The following KAZN variants were observed in gnomAD, a reference collection of about 807,000 sequenced individuals.
The protein encoded by KAZN is kazrin.
A neutral mutation model predicts 87.4 loss-of-function variants in KAZN; 40 were observed. That is an observed-to-expected ratio of 0.46 (90% CI 0.36 to 0.60). The LOEUF (loss-of-function observed/expected upper bound fraction) is 0.60, where lower values mean the gene tolerates loss of function less well. Ranked by LOEUF, KAZN falls within the 20% of genes least tolerant of loss-of-function variation. KAZN has a pLI of 0.00. For missense variants in KAZN, 898 were observed against 1,073.9 expected (o/e 0.84, Z 2.29); for synonymous variants, 466 against 458.3 (o/e 1.02, Z -0.22).
intron 1 of KAZN, among the ~76,000 whole-genome samples, chr1:14,706,701 C>T (rs1330530239): frequency 2.0e-5 from 3 of 152,130 alleles, no homozygotes; most frequent in Admixed American, 1.3e-4. Context: ...GGGACTTGAA[C>T]ATATGAATCT....
chr1:14,747,617 C>G (rs772905281), intron 1 of KAZN, among the ~76,000 whole-genome samples: 5 of 152,344 alleles, frequency 3.3e-5, no homozygotes, highest in Non-Finnish European at 7.3e-5. Flanking sequence ...CATCAATAAG[C>G]ATTTGCGTAG....
chr1:14,283,909 A>G (rs1264916887), intron 2 of KAZN, among the ~76,000 whole-genome samples: 3 of 152,226 alleles, frequency 2.0e-5, no homozygotes, highest in African/African-American at 7.2e-5. Flanking sequence ...ATATAATGAA[A>G]TAGTGTTTGA....
intron 1 of KAZN, among the ~76,000 whole-genome samples, chr1:14,118,154 A>G (rs1023269186): frequency 6.4e-4 from 97 of 152,342 alleles, no homozygotes; most frequent in African/African-American, 2.3e-3. Context: ...TTCTCAAAGA[A>G]TGGTGAAAAG....
At chr1:14,929,881 C>T in intron 1 of KAZN, 1 of 985,428 alleles carries the variant, frequency 1.0e-6, no homozygotes, top group Non-Finnish European at 1.2e-6. Flanking sequence ...AAGGTGGGGA[C>T]TCCAGGCTTT....
intron 1 of KAZN, among the ~76,000 whole-genome samples, chr1:14,959,625 C>T (rs1040307598): frequency 1.3e-5 from 2 of 152,180 alleles, no homozygotes; most frequent in African/African-American, 4.8e-5. Flanking sequence ...ATGAATATTT[C>T]AGTATGTCCT....
intron 1 of KAZN, among the ~76,000 whole-genome samples, chr1:14,669,345 A>G (rs1639773514): frequency 6.6e-6 from 1 of 152,302 alleles, no homozygotes; most frequent in Non-Finnish European, 1.5e-5. Flanking sequence ...ACATCCCACA[A>G]TGAACAAGAC....
intron 1 of KAZN, among the ~76,000 whole-genome samples, chr1:14,725,640 C>T (rs1348253374): frequency 6.6e-6 from 1 of 152,114 alleles, no homozygotes; most frequent in Non-Finnish European, 1.5e-5. Context: ...GGGTGTTGCC[C>T]ACGTTCATTG....
Position 14,533,430 on chromosome 1 carries a change from A to C in KAZN, c.250-65553A>C, listed in dbSNP as rs74057812. ...TCTTTTCTCAGCCAACCAACTTGGC[A>C]TATTGGATATTGGTAGATTTTGAAG... On this transcript the variant is annotated intron_variant, in intron 2 of 16. Coordinates refer to the KAZN transcript ENST00000636203. Among the ~76,000 whole-genome samples the C allele has an allele frequency of 2.6e-3, 389 of 152,306 alleles. 1 individual carries two copies. The highest frequency in any genetic ancestry group is 9.1e-3 in the African/African-American group (379 of 41,552).
At chr1:14,100,768 G>C (rs1264721128) in intron 1 of KAZN, among the ~76,000 whole-genome samples, 6 of 152,208 alleles carry the variant, frequency 3.9e-5, no homozygotes, top group Admixed American at 3.9e-4. Flanking sequence ...AGTCTTATCA[G>C]TGTGATATTG....
intron 2 of KAZN, among the ~76,000 whole-genome samples, chr1:14,457,784 G>A (rs746315617): frequency 3.9e-4 from 59 of 151,860 alleles, no homozygotes; most frequent in Non-Finnish European, 6.5e-4. Flanking sequence ...TTTCTTCATG[G>A]AAGTGTAGAA....
At chr1:14,822,381 A>G (rs1307874948) in intron 1 of KAZN, among the ~76,000 whole-genome samples, 4 of 137,944 alleles carry the variant, frequency 2.9e-5, no homozygotes, top group Non-Finnish European at 6.3e-5. Flanking sequence ...GTCTTCACCA[A>G]GATTCTTTGG....
At chr1:14,991,752 G>A (rs2101955915) in intron 2 of KAZN, among the ~76,000 whole-genome samples, 1 of 152,306 alleles carries the variant, frequency 6.6e-6, no homozygotes, top group South Asian at 2.1e-4. Flanking sequence ...CCTAGAGTCA[G>A]CCCTGCAGCA....
intron 2 of KAZN, among the ~76,000 whole-genome samples, chr1:14,964,499 G>A (rs1258366993): frequency 1.3e-5 from 2 of 152,072 alleles, no homozygotes; most frequent in Non-Finnish European, 2.9e-5. Flanking sequence ...CAGCCACCAC[G>A]AGCATCCTGC....
intron 1 of KAZN, among the ~76,000 whole-genome samples, chr1:14,705,832 A>G (rs1195327965): frequency 2.0e-5 from 3 of 152,212 alleles, no homozygotes; most frequent in Non-Finnish European, 4.4e-5. Context: ...ACAGCTAAAT[A>G]GAAAAGGAAT....
chr1:14,368,372 G>C (rs769981675), intron 2 of KAZN, among the ~76,000 whole-genome samples: 1 of 152,194 alleles, frequency 6.6e-6, no homozygotes, highest in African/African-American at 2.4e-5. Flanking sequence ...TGTTTACCTA[G>C]AAGTGCATTT....
Position 13,981,089 on chromosome 1 carries a change from T to TTATATATA in KAZN, c.91+87347_91+87354dup, listed in dbSNP as rs1205017791. ...TTGGAGAGGTATAAAAAATTACTCT[T>TTATATATA]TATATATATATATATATATATGTAT... On this transcript the variant is annotated intron_variant, in intron 1 of 16. Transcript: ENST00000636203. Among the ~76,000 whole-genome samples the TTATATATA allele has an allele frequency of 6.2e-3, 388 of 62,816 alleles. 28 individuals carry two copies. Among genetic ancestry groups the TTATATATA allele is most frequent in the African/African-American group, 0.014 (249 of 17,182 alleles). The allele number at this position is 62,816 out of a possible 152,430, so 41.2% of individuals were successfully genotyped here. A position where few individuals can be genotyped will look rare whatever the true frequency, so the allele number is the denominator to read the frequency against.
At chr1:14,739,318 G>T (rs1644013775) in intron 1 of KAZN, among the ~76,000 whole-genome samples, 1 of 152,164 alleles carries the variant, frequency 6.6e-6, no homozygotes, top group African/African-American at 2.4e-5. Flanking sequence ...ACTGTGTGAA[G>T]TGAGAAGCTA....
intron 1 of KAZN, among the ~76,000 whole-genome samples, chr1:14,644,668 G>A (rs1024052406): frequency 6.6e-6 from 1 of 152,126 alleles, no homozygotes; most frequent in Non-Finnish European, 1.5e-5. Flanking sequence ...GCCTTCTCTT[G>A]TAAATTTGTT....
intron 1 of KAZN, among the ~76,000 whole-genome samples, chr1:14,799,070 G>A (rs1164660528): frequency 1.3e-5 from 2 of 152,230 alleles, no homozygotes; most frequent in Non-Finnish European, 2.9e-5. Context: ...ATGAGCCACT[G>A]TGCCTGGACT....
Sources: gnomAD v4.1 joint callset for allele counts (sites outside exome capture counted in the v4.1 genomes callset) on GRCh38, gnomAD v4.1.1 for gene constraint, MANE v1.5 for transcripts, NCBI Gene and HGNC (gene_info 2026-07-23, HGNC 2026-07-21) for gene names.